Variants in TMEM236 observed in about 807,000 individuals in gnomAD.
The protein encoded by TMEM236 is transmembrane protein 236, also known as family with sequence similarity 23, member A.
In TMEM236, 11 loss-of-function variants were observed where a neutral mutation model predicts 14.7. The ratio of observed to expected loss-of-function variants is 0.75; its 90% CI spans 0.47 to 1.24. The LOEUF is 1.24. TMEM236 is among the 50% of genes most tolerant of loss of function. The pLI is 0.00. For missense variants in TMEM236, 464 were observed against 427.3 expected, an observed-to-expected ratio of 1.09 and a Z score of -0.76; for synonymous variants, 182 against 168.6, an observed-to-expected ratio of 1.08 and a Z score of -0.62.
At position 17,796,869 on chromosome 10, in the gene TMEM236, C is replaced by T. The variant is rs1009939705; in HGVS notation, c.*365C>T. On this transcript the variant is annotated 3_prime_UTR_variant, in exon 4 of 4. Transcript: ENST00000377495. ...TGGTGAACCTCAAACTGAGCGTTCC[C>T]GCCTGCATTCCGCCTCCTGTCAGAT... 57 of 276,862 alleles carry T rather than the reference C, an allele frequency of 2.1e-4. No individual in the cohort carries two copies. The highest frequency in any genetic ancestry group is 1.3e-3 in the Middle Eastern group (1 of 742). 17.2% of individuals were successfully genotyped at this position (276,862 alleles called of 1,614,324 possible).
At chr10:17,766,670 TC>T (rs1422424868) in intron 1 of TMEM236, among the ~76,000 whole-genome samples, 1 of 152,190 alleles carries the variant, frequency 6.6e-6, no homozygotes, top group Non-Finnish European at 1.5e-5. Context: ...CACATTGCAG[TC>T]GCAAAATTGG....
At chr10:17,789,392 A>G (rs1012629478) in intron 3 of TMEM236, among the ~76,000 whole-genome samples, 4 of 152,226 alleles carry the variant, frequency 2.6e-5, no homozygotes, top group African/African-American at 7.2e-5. Context: ...CAATTAATTT[A>G]AAACAATTAA....
intron 3 of TMEM236, 36 bp from the exon 4 acceptor site, chr10:17,795,885 T>A: frequency 6.2e-7 from 1 of 1,606,612 alleles, no homozygotes; most frequent in Non-Finnish European, 8.5e-7. Context: ...GGATACATTT[T>A]AAAAACTAAA....
chr10:17,779,021 T>C (rs1476204806), intron 3 of TMEM236, among the ~76,000 whole-genome samples: 7 of 152,130 alleles, frequency 4.6e-5, no homozygotes, highest in Admixed American at 1.3e-4. Flanking sequence ...TGGATCTCTG[T>C]AGCACGGCAG....
chr10:17,790,261 G>C (rs1162840111), intron 3 of TMEM236, among the ~76,000 whole-genome samples: 3 of 152,122 alleles, frequency 2.0e-5, no homozygotes, highest in African/African-American at 7.2e-5. Context: ...TGATGAAGCT[G>C]AAGTTCTGCT....
At chr10:17,778,248 CG>C (rs1837691488) in intron 3 of TMEM236, among the ~76,000 whole-genome samples, 1 of 152,088 alleles carries the variant, frequency 6.6e-6, no homozygotes, top group Non-Finnish European at 1.5e-5. Context: ...ATAGTTCCAC[CG>C]TTTAATAAAT....
At chr10:17,780,810 C>T (rs1837735194) in intron 3 of TMEM236, among the ~76,000 whole-genome samples, 1 of 152,156 alleles carries the variant, frequency 6.6e-6, no homozygotes, top group Non-Finnish European at 1.5e-5. Flanking sequence ...AGGAGAGCAG[C>T]TCTCTCTCTT....
At chr10:17,766,255 T>C (rs1837461446) in intron 1 of TMEM236, among the ~76,000 whole-genome samples, 1 of 152,220 alleles carries the variant, frequency 6.6e-6, no homozygotes, top group African/African-American at 2.4e-5. Flanking sequence ...CTCGGTTAAA[T>C]ATCTCAGTTC....
At chr10:17,788,600 GA>G (rs1376574265) in intron 3 of TMEM236, among the ~76,000 whole-genome samples, 72 of 137,470 alleles carry the variant, frequency 5.2e-4, no homozygotes, top group African/African-American at 8.8e-4. Flanking sequence ...AAAAAAAAAA[GA>G]AAAAAAAAAA....
intron 1 of TMEM236, among the ~76,000 whole-genome samples, chr10:17,758,602 A>T (rs1187524276): frequency 6.6e-6 from 1 of 152,242 alleles, no homozygotes; most frequent in African/African-American, 2.4e-5. Context: ...AGTTCCTAGC[A>T]TAGCAACTGG....
chr10:17,760,702 T>C (rs965823273), intron 1 of TMEM236, among the ~76,000 whole-genome samples: 3 of 152,156 alleles, frequency 2.0e-5, no homozygotes, highest in Non-Finnish European at 4.4e-5. Flanking sequence ...GGGTAATTTA[T>C]AAAGGAAAGA....
At chr10:17,758,115 G>C (rs1169128837) in intron 1 of TMEM236, among the ~76,000 whole-genome samples, 1 of 152,114 alleles carries the variant, frequency 6.6e-6, no homozygotes, top group Non-Finnish European at 1.5e-5. Flanking sequence ...TTCACCCAGA[G>C]TGCATTTGGC....
chr10:17,753,571 C>T (rs899374301), intron 1 of TMEM236, among the ~76,000 whole-genome samples: 1 of 152,280 alleles, frequency 6.6e-6, no homozygotes, highest in East Asian at 1.9e-4. Flanking sequence ...CTGCAAAGGA[C>T]ATGATCTTGT....
chr10:17,757,101 C>T (rs1304755319), intron 1 of TMEM236, among the ~76,000 whole-genome samples: 4 of 152,146 alleles, frequency 2.6e-5, no homozygotes, highest in Non-Finnish European at 5.9e-5. Context: ...TTCCTTCTGG[C>T]CACATTCGTG....
chr10:17,769,924 G>A (rs1308749970), intron 1 of TMEM236, among the ~76,000 whole-genome samples: 3 of 152,152 alleles, frequency 2.0e-5, no homozygotes, highest in Non-Finnish European at 4.4e-5. Flanking sequence ...GGGTGTGACT[G>A]ATCCTGCCAC....
Position 17,796,446 on chromosome 10 carries a change from A to T in TMEM236, c.998A>T (p.Tyr333Phe). 6.2e-7 allele frequency: 1 copy of T among 1,613,646 alleles called. No homozygotes were observed. Among genetic ancestry groups the T allele is most frequent in the Admixed American group, 1.7e-5 (1 of 59,940 alleles). The change falls in exon 4 of 4, where the codon TAC (tyrosine) becomes TTC (phenylalanine). Residue 333 changes from tyrosine (Y) to phenylalanine (F), a missense_variant. By Grantham distance (22) the Tyr-to-Phe change is conservative. Transcript: ENST00000377495. ...KNILVTLSYI[Y>F]FNYLTRIRIF... ...ATCCTCGTGACTCTCTCTTACATTT[A>T]CTTCAATTACCTAACCAGAATCAGG...
chr10:17,795,850 A>AT, intron 3 of TMEM236, 71 bp from the exon 4 acceptor site: 1 of 1,472,664 alleles, frequency 6.8e-7, no homozygotes, highest in Non-Finnish European at 9.4e-7. Context: ...GGAATTTTAA[A>AT]TTTGAATAAC....
intron 3 of TMEM236, among the ~76,000 whole-genome samples, chr10:17,787,178 C>G (rs1554835767): frequency 6.6e-6 from 1 of 152,236 alleles, no homozygotes; most frequent in African/African-American, 2.4e-5. Context: ...TGGTCTCTGG[C>G]ATGCTTTGAA....
chr10:17,768,045 C>T (rs1007117886), intron 1 of TMEM236, among the ~76,000 whole-genome samples: 15 of 149,130 alleles, frequency 1.0e-4, no homozygotes, highest in Middle Eastern at 3.5e-3. Flanking sequence ...CAAGTAGCTG[C>T]GACTACAGGT....
Sources: allele counts gnomAD v4.1 joint callset (sites outside exome capture counted in the v4.1 genomes callset), GRCh38; gene constraint gnomAD v4.1.1; transcripts MANE v1.5; gene names NCBI Gene and HGNC (gene_info 2026-07-23, HGNC 2026-07-21).